Variants in SLC39A11 observed in about 807,000 individuals in gnomAD.
SLC39A11 encodes solute carrier family 39 member 11.
Under a neutral mutation model 36.1 loss-of-function variants are expected in SLC39A11, and 33 were observed. That is an observed-to-expected ratio of 0.91 (90% CI 0.69 to 1.22). The LOEUF (loss-of-function observed/expected upper bound fraction) is 1.22. Among genes scored for constraint, SLC39A11 ranks in the 50% most tolerant of loss-of-function variants. The pLI is 0.00. For synonymous variants in SLC39A11, 166 were observed against 170.3 expected, an observed-to-expected ratio of 0.97 and a Z score of 0.20; for missense variants, 432 against 430.3, an observed-to-expected ratio of 1.00 and a Z score of -0.03.
At chr17:72,971,656 C>T (rs1238961984) in intron 4 of SLC39A11, among the ~76,000 whole-genome samples, 2 of 152,220 alleles carry the variant, frequency 1.3e-5, no homozygotes, top group African/African-American at 2.4e-5. Flanking sequence ...CAGCTCCTGG[C>T]TGTCCCAGCT....
chr17:72,828,075 GC>G (rs1384561553), intron 6 of SLC39A11, among the ~76,000 whole-genome samples: 1 of 152,164 alleles, frequency 6.6e-6, no homozygotes, highest in Non-Finnish European at 1.5e-5. Flanking sequence ...TGGTCCTCTG[GC>G]CACAACTGTG....
chr17:72,731,576 C>T (rs1005990159), intron 7 of SLC39A11, among the ~76,000 whole-genome samples: 1 of 151,780 alleles, frequency 6.6e-6, no homozygotes, highest in Admixed American at 6.6e-5. Flanking sequence ...TTTAGATTAG[C>T]TTTAGGTCTA....
At chr17:72,987,739 A>G (rs992909049) in intron 4 of SLC39A11, among the ~76,000 whole-genome samples, 4 of 152,132 alleles carry the variant, frequency 2.6e-5, no homozygotes, top group Non-Finnish European at 5.9e-5. Context: ...CTCCACTCCA[A>G]AACTTCATGA....
chr17:72,831,932 C>A (rs140874294), intron 6 of SLC39A11, among the ~76,000 whole-genome samples: 1 of 151,984 alleles, frequency 6.6e-6, no homozygotes, highest in Non-Finnish European at 1.5e-5. Context: ...TTCTTAAAGA[C>A]GCCGATAGAA....
At chr17:72,808,319 G>GAAGAGAA in intron 6 of SLC39A11, among the ~76,000 whole-genome samples, 1 of 152,318 alleles carries the variant, frequency 6.6e-6, no homozygotes, top group Admixed American at 6.5e-5. Flanking sequence ...AGCTTGACAT[G>GAAGAGAA]GCAGACTCCA....
intron 5 of SLC39A11, among the ~76,000 whole-genome samples, chr17:72,871,031 T>A (rs2080586813): frequency 6.6e-6 from 1 of 151,284 alleles, no homozygotes; most frequent in Admixed American, 6.6e-5. Context: ...GTTTTTGGTT[T>A]TTTTTGTTTG....
At chr17:72,932,075 T>G (rs1010267626) in intron 5 of SLC39A11, among the ~76,000 whole-genome samples, 1 of 152,166 alleles carries the variant, frequency 6.6e-6, no homozygotes, top group African/African-American at 2.4e-5. Flanking sequence ...CTCCATGAGC[T>G]CTTTGGCTAT....
chr17:73,044,712 A>G (rs1210533070), intron 3 of SLC39A11, among the ~76,000 whole-genome samples: 1 of 152,056 alleles, frequency 6.6e-6, no homozygotes, highest in South Asian at 2.1e-4. Context: ...CACCTCTACA[A>G]AAAATACAAA....
intron 5 of SLC39A11, among the ~76,000 whole-genome samples, chr17:72,880,116 C>A (rs947766915): frequency 6.6e-6 from 1 of 152,224 alleles, no homozygotes; most frequent in Non-Finnish European, 1.5e-5. Context: ...TCTGTTACTG[C>A]ACAATGGGTT....
chr17:73,034,192 A>G (rs2058830642), intron 3 of SLC39A11, among the ~76,000 whole-genome samples: 1 of 152,188 alleles, frequency 6.6e-6, no homozygotes, highest in African/African-American at 2.4e-5. Context: ...ATCGAAGAGG[A>G]CCTGCAACAA....
At chr17:72,906,451 G>C (rs1051206426) in intron 5 of SLC39A11, among the ~76,000 whole-genome samples, 1 of 152,226 alleles carries the variant, frequency 6.6e-6, no homozygotes, top group African/African-American at 2.4e-5. Flanking sequence ...GGCTTGGCTG[G>C]GTCTGTGCAC....
intron 7 of SLC39A11, among the ~76,000 whole-genome samples, chr17:72,735,634 C>T (rs1412687262): frequency 6.6e-6 from 1 of 152,154 alleles, no homozygotes; most frequent in Non-Finnish European, 1.5e-5. Flanking sequence ...CGCCTTATTC[C>T]TCATGGTTCC....
chr17:73,033,236 T>C (rs905260549), intron 3 of SLC39A11, among the ~76,000 whole-genome samples: 1 of 152,232 alleles, frequency 6.6e-6, no homozygotes, highest in Admixed American at 6.5e-5. Context: ...GCGGCCTGGT[T>C]CCTAACAGGC....
Position 72,647,677 on chromosome 17 carries a change from C to T in SLC39A11, c.930-15G>A. On this transcript the variant is annotated splice_polypyrimidine_tract_variant and intron_variant, in intron 9 of 9. Coordinates refer to ENST00000255559, the MANE Select transcript of SLC39A11 (RefSeq NM_139177.4). ...TCCCATTACCACTGGAAGAGAAGGA[C>T]AGGAAGAAAAGTAAGACCTTAATGA... The T allele has an allele frequency of 6.2e-7, 1 of 1,612,206 alleles. No homozygotes were observed. The highest frequency in any genetic ancestry group is 2.2e-5 in the East Asian group (1 of 44,826).
Position 72,900,121 on chromosome 17 carries a change from G to GA in SLC39A11, c.430+47630dup, listed in dbSNP as rs1295556909. The stretch of plus-strand genomic sequence containing the variant: ...AAAGAAAGAAAGAAAAAGAAAGAAA[G>GA]AAAAGAAAGAAAGAAAGAAAAAGAA... On this transcript the variant is annotated intron_variant, in intron 5 of 9. Transcript: ENST00000255559. Among the ~76,000 whole-genome samples the GA allele has an allele frequency of 1.2e-3, 138 of 118,796 alleles. 19 individuals are homozygous for GA. The highest frequency in any genetic ancestry group is 4.8e-3 in the African/African-American group (131 of 27,180). 77.9% of individuals were successfully genotyped at this position (118,796 alleles called of 152,430 possible). A position where few individuals can be genotyped will look rare whatever the true frequency, so the allele number is the denominator to read the frequency against.
intron 6 of SLC39A11, among the ~76,000 whole-genome samples, chr17:72,783,004 CAA>C (rs34750819): frequency 0.012 from 996 of 80,978 alleles, 26 homozygotes; most frequent in African/African-American, 0.059. Context: ...TCTGTCTCAA[CAA>C]AAAAAAAAAA....
chr17:73,037,578 C>A (rs1598961872), intron 3 of SLC39A11, among the ~76,000 whole-genome samples: 1 of 152,372 alleles, frequency 6.6e-6, no homozygotes. Context: ...CCTTCTGCAG[C>A]TGTGACCCCG....
At chr17:73,042,902 TAAAAGTCAATCAGCAATTCCTAAGCAG>T (rs949464917) in intron 3 of SLC39A11, among the ~76,000 whole-genome samples, 3 of 152,226 alleles carry the variant, frequency 2.0e-5, no homozygotes, top group Non-Finnish European at 4.4e-5. Flanking sequence ...AATTAACAGT[TAAAAGTCAATCAGCAATTCCTAAGCAG>T]AGACTGTTAC....
At chr17:72,946,800 CAAG>C (rs541965080) in intron 5 of SLC39A11, among the ~76,000 whole-genome samples, 34 of 152,172 alleles carry the variant, frequency 2.2e-4, no homozygotes, top group Non-Finnish European at 4.6e-4. Context: ...CAATGAGGGG[CAAG>C]AAGGAGAGGC....
Sources: allele counts gnomAD v4.1 joint callset (sites outside exome capture counted in the v4.1 genomes callset), GRCh38; gene constraint gnomAD v4.1.1; transcripts MANE v1.5; gene names NCBI Gene and HGNC (gene_info 2026-07-23, HGNC 2026-07-21).